The following BCL2 variants were observed in gnomAD, a reference collection of about 807,000 sequenced individuals.
BCL2 encodes the protein apoptosis regulator Bcl-2.
BCL2 carries 1 observed loss-of-function variant against 14.2 expected under a neutral mutation model. That is an observed-to-expected ratio of 0.07 (90% confidence interval 0.02 to 0.33). The LOEUF is 0.33. Among genes scored for constraint, BCL2 ranks in the 10% least tolerant of loss-of-function variants. The pLI is 0.99. For synonymous variants in BCL2, 151 were observed against 137.2 expected, an observed-to-expected ratio of 1.10 and a Z score of -0.70; for missense variants, 247 against 305.9, an observed-to-expected ratio of 0.81 and a Z score of 1.44.
chr18:63,158,259 T>C (rs1441080868), intron 2 of BCL2, among the ~76,000 whole-genome samples: 1 of 152,206 alleles, frequency 6.6e-6, no homozygotes, highest in African/African-American at 2.4e-5. Context: ...TTGTCTAACC[T>C]AGTGGTTCCT....
chr18:63,217,424 A>G (rs915856438), intron 2 of BCL2, among the ~76,000 whole-genome samples: 5 of 152,162 alleles, frequency 3.3e-5, no homozygotes, highest in African/African-American at 1.2e-4. Flanking sequence ...AATGGTCAGG[A>G]AAAAAATGAG....
At chr18:63,132,179 A>T (rs1914086530) in intron 2 of BCL2, among the ~76,000 whole-genome samples, 1 of 152,192 alleles carries the variant, frequency 6.6e-6, no homozygotes, top group Admixed American at 6.5e-5. Context: ...TTGATATTTT[A>T]TTAGTTTATA....
rs1915018630 is a variant in BCL2 at position 63,165,376 on chromosome 18, GCT to G, written c.586-36619_586-36618del. Reference sequence around the variant, plus strand: ...GCTGCTGTCACTTTTCATGGCTCTGGCTCTGTCTTCATTGTTCTCTGACTGCC... The same window carrying G: ...GCTGCTGTCACTTTTCATGGCTCTGGCTGTCTTCATTGTTCTCTGACTGCC... On this transcript the variant is annotated intron_variant, in intron 2 of 2. Coordinates refer to ENST00000333681, the MANE Select transcript of BCL2 (RefSeq NM_000633.3). Among the ~76,000 whole-genome samples the G allele has an allele frequency of 2.0e-5, 3 of 152,284 alleles. No homozygotes were observed. In the South Asian group the frequency reaches 6.2e-4, roughly 32 times the overall value.
At chr18:63,142,133 A>G (rs955909157) in intron 2 of BCL2, among the ~76,000 whole-genome samples, 11 of 152,348 alleles carry the variant, frequency 7.2e-5, no homozygotes, top group African/African-American at 2.6e-4. Flanking sequence ...TGTTTAAATC[A>G]GTAAGTGTTG....
At chr18:63,225,731 C>T (rs770135963) in intron 2 of BCL2, among the ~76,000 whole-genome samples, 18 of 152,176 alleles carry the variant, frequency 1.2e-4, no homozygotes, top group African/African-American at 3.1e-4. Context: ...AGGTGGAGCA[C>T]GCAGGTGAGT....
intron 2 of BCL2, among the ~76,000 whole-genome samples, chr18:63,174,881 A>G (rs1915317522): frequency 6.6e-6 from 1 of 151,322 alleles, no homozygotes; most frequent in Non-Finnish European, 1.5e-5. Context: ...TCTCTCTGTC[A>G]TCTCCCCCAA....
intron 2 of BCL2, among the ~76,000 whole-genome samples, chr18:63,241,789 GC>G (rs1911009299): frequency 6.6e-6 from 1 of 152,228 alleles, no homozygotes; most frequent in African/African-American, 2.4e-5. Flanking sequence ...GTCCCGGCCT[GC>G]CACCCTGGCC....
intron 2 of BCL2, among the ~76,000 whole-genome samples, chr18:63,244,207 G>A (rs1911092581): frequency 6.6e-6 from 1 of 152,148 alleles, no homozygotes; most frequent in African/African-American, 2.4e-5. Flanking sequence ...GTGAAACCCT[G>A]TCTCTACCAA....
chr18:63,128,828 C>A (rs988593007), intron 2 of BCL2, 69 bp from the exon 3 acceptor site: 4 of 691,994 alleles, frequency 5.8e-6, no homozygotes, highest in East Asian at 2.7e-5. Flanking sequence ...TGCCACCCCA[C>A]AGAGAAAGAG....
chr18:63,266,097 C>A (rs955997741), intron 2 of BCL2, among the ~76,000 whole-genome samples: 7 of 151,984 alleles, frequency 4.6e-5, no homozygotes, highest in African/African-American at 1.7e-4. Context: ...CGTATGTGTG[C>A]AAAATGATGT....
chr18:63,316,896 G>A (rs564319519), intron 2 of BCL2: 35 of 148,712 alleles, frequency 2.4e-4, no homozygotes, highest in African/African-American at 8.1e-4. Flanking sequence ...ATTGCATCCT[G>A]TTTTTCAAAG....
At chr18:63,170,211 C>T (rs573009129) in intron 2 of BCL2, among the ~76,000 whole-genome samples, 33 of 152,128 alleles carry the variant, frequency 2.2e-4, no homozygotes, top group African/African-American at 6.3e-4. Context: ...TTACTATATA[C>T]GACATGCTTA....
intron 2 of BCL2, among the ~76,000 whole-genome samples, chr18:63,310,206 G>A (rs1913265785): frequency 6.6e-6 from 1 of 152,182 alleles, no homozygotes; most frequent in African/African-American, 2.4e-5. Context: ...ATCCATGGAT[G>A]TGGAACCCAA....
chr18:63,233,207 G>T (rs1281002983), intron 2 of BCL2, among the ~76,000 whole-genome samples: 1 of 152,168 alleles, frequency 6.6e-6, no homozygotes, highest in Admixed American at 6.5e-5. Flanking sequence ...TCGTATTTGG[G>T]ATTAGGATTT....
At chr18:63,307,207 T>C (rs60466611) in intron 2 of BCL2, among the ~76,000 whole-genome samples, 55 of 152,320 alleles carry the variant, frequency 3.6e-4, no homozygotes, top group African/African-American at 1.2e-3. Context: ...AGAGAGGTTT[T>C]AAAAAAGAGT....
intron 2 of BCL2, among the ~76,000 whole-genome samples, chr18:63,158,108 G>C (rs915511103): frequency 3.9e-5 from 6 of 152,070 alleles, no homozygotes; most frequent in Admixed American, 6.5e-5. Context: ...TGATTGAGGA[G>C]GGTCACAAGC....
rs1364781559 is a variant in BCL2, at chr18:63,123,683, C to G, written c.*4942G>C. On this transcript the variant is annotated 3_prime_UTR_variant, in exon 3 of 3. Coordinates refer to ENST00000333681, the MANE Select transcript of BCL2 (RefSeq NM_000633.3). The stretch of plus-strand genomic sequence containing the variant: ...TAAAACAAAAATAACCCCAGTAACT[C>G]AAAACAAAAGCAAACCTTGGTTGAA... 9.4e-6 allele frequency: 2 copies of G among 212,950 alleles called. No homozygotes were observed. The highest frequency in any genetic ancestry group is 4.5e-5 in the African/African-American group (2 of 44,150). The allele number at this position is 212,950 out of a possible 1,614,324, so 13.2% of individuals were successfully genotyped here. A position where few individuals can be genotyped will look rare whatever the true frequency, so the allele number is the denominator to read the frequency against.
At chr18:63,168,945 G>T (rs1345083052) in intron 2 of BCL2, among the ~76,000 whole-genome samples, 1 of 152,204 alleles carries the variant, frequency 6.6e-6, no homozygotes, top group Non-Finnish European at 1.5e-5. Flanking sequence ...CACGCTCAGC[G>T]GTCATCTGTC....
intron 2 of BCL2, among the ~76,000 whole-genome samples, chr18:63,227,744 A>C (rs1910587272): frequency 6.6e-6 from 1 of 152,276 alleles, no homozygotes; most frequent in Non-Finnish European, 1.5e-5. Context: ...TTAACCTGTT[A>C]GAAGACAGAA....
Sources: allele counts gnomAD v4.1 joint callset (sites outside exome capture counted in the v4.1 genomes callset), GRCh38; gene constraint gnomAD v4.1.1; transcripts MANE v1.5; gene names NCBI Gene and HGNC (gene_info 2026-07-23, HGNC 2026-07-21).